Variants in PREX1 observed in about 807,000 individuals in gnomAD.
The protein encoded by PREX1 is phosphatidylinositol-3,4,5-trisphosphate dependent Rac exchange factor 1, also known as phosphatidylinositol 3,4,5-trisphosphate-dependent Rac exchanger 1 protein.
A neutral mutation model predicts 198.3 loss-of-function variants in PREX1; 41 were observed. That is an observed-to-expected ratio of 0.21 (90% CI 0.16 to 0.27). The LOEUF (loss-of-function observed/expected upper bound fraction) is 0.27, where lower values mean the gene tolerates loss of function less well. PREX1 is among the 10% of genes least tolerant of loss of function. The pLI is 1.00. For missense variants in PREX1, 1,620 were observed against 2,200.7 expected (o/e 0.74, Z 5.28); for synonymous variants, 843 against 887.2 (o/e 0.95, Z 0.89).
the PREX1 span, among the ~76,000 whole-genome samples, chr20:48,850,149 G>A: frequency 6.6e-6 from 1 of 152,252 alleles, no homozygotes; most frequent in South Asian, 2.1e-4. Context: ...ACCAAAGGGT[G>A]TTTGCCTCTA....
At chr20:48,690,888 C>G in intron 9 of PREX1, 59 bp downstream of exon 9, 14 of 1,607,368 alleles carry the variant, frequency 8.7e-6, no homozygotes, top group Admixed American at 1.7e-5. Context: ...AGCCCCCACT[C>G]AGAAGAAGCC....
intron 1 of PREX1, among the ~76,000 whole-genome samples, chr20:48,776,587 A>T (rs1161025899): frequency 1.3e-5 from 2 of 152,200 alleles, no homozygotes; most frequent in Non-Finnish European, 2.9e-5. Flanking sequence ...CGGAAAACCC[A>T]GCAGGCCCCT....
chr20:48,827,733 G>A lies in PREX1; in HGVS notation c.128C>T (p.Ser43Phe), dbSNP rs1441857866. Reference protein sequence around the residue: ...GPGPCAAARESERQLRLRLCV... With the variant: ...GPGPCAAAREFERQLRLRLCV... Reference sequence around the variant, plus strand: ...GAGGCGGAGGCGCAGCTGGCGCTCGGACTCCCGGGCGGCCGCGCACGGGCC... The same window carrying A: ...GAGGCGGAGGCGCAGCTGGCGCTCGAACTCCCGGGCGGCCGCGCACGGGCC... The change falls in exon 1 of 40, where the codon TCC (serine) becomes TTC (phenylalanine). Residue 43 changes from serine to phenylalanine, a missense_variant. Coordinates refer to ENST00000371941, the MANE Select transcript of PREX1 (RefSeq NM_020820.4). The surrounding 1 kb of genome is among the most constrained non-coding windows in gnomAD (Gnocchi z 4.1). 2.3e-6 allele frequency: 3 copies of A among 1,329,264 alleles called. No homozygotes were observed. Among genetic ancestry groups the A allele is most frequent in the Non-Finnish European group, 2.9e-6 (3 of 1,025,124 alleles). The allele number at this position is 1,329,264 out of a possible 1,614,324, so 82.3% of individuals were successfully genotyped here.
rs1275572391 is a variant in PREX1, at chr20:48,786,753, G to C, written c.220-38873C>G. Among the ~76,000 whole-genome samples the C allele has an allele frequency of 1.1e-4, 14 of 131,350 alleles. No individual in the cohort carries two copies. The Admixed American group carries it at 1.1e-3, about 10-fold the overall frequency. The allele number at this position is 131,350 out of a possible 152,430, so 86.2% of individuals were successfully genotyped here. ...AAGCAAGACTCTGTCAAAAAAAAAA[G>C]AGAAAGAAAGAAAAGAAAAAAAAGA... is the stretch of plus-strand genomic sequence containing the variant. On this transcript the variant is annotated intron_variant, in intron 1 of 39. Transcript: ENST00000371941.
At chr20:48,875,980 A>C in the PREX1 span, among the ~76,000 whole-genome samples, 2 of 152,154 alleles carry the variant, frequency 1.3e-5, no homozygotes, top group Admixed American at 6.5e-5. Context: ...GGTTATGCAG[A>C]GCCTCCGATG....
intron 1 of PREX1, among the ~76,000 whole-genome samples, chr20:48,754,823 G>A (rs1274499467): frequency 1.3e-5 from 2 of 152,036 alleles, no homozygotes; most frequent in African/African-American, 2.4e-5. Context: ...GGAACAGCAA[G>A]GGCCTTGGAA....
chr20:48,802,763 G>A (rs571474475), intron 1 of PREX1, among the ~76,000 whole-genome samples: 1 of 152,334 alleles, frequency 6.6e-6, no homozygotes, highest in South Asian at 2.1e-4. Flanking sequence ...ACAGCATGAA[G>A]ACAGCAGAAA....
intron 33 of PREX1, among the ~76,000 whole-genome samples, chr20:48,634,434 T>G (rs914350931): frequency 6.6e-6 from 1 of 152,262 alleles, no homozygotes; most frequent in Non-Finnish European, 1.5e-5. Flanking sequence ...AGTGTCATTC[T>G]CTTTTAAGAG....
intron 6 of PREX1, among the ~76,000 whole-genome samples, chr20:48,702,101 C>T (rs189251411): frequency 6.6e-5 from 10 of 151,436 alleles, no homozygotes; most frequent in Non-Finnish European, 1.2e-4. Context: ...CCCAGCTACT[C>T]GGGAGGCTGA....
At chr20:48,820,484 C>CA (rs2090479756) in intron 1 of PREX1, among the ~76,000 whole-genome samples, 1 of 152,208 alleles carries the variant, frequency 6.6e-6, no homozygotes. Context: ...GCCTCCCAGA[C>CA]ACTCTGCTGG....
intron 11 of PREX1, 84 bp from the exon 12 acceptor site, chr20:48,679,838 C>T (rs576978551): frequency 2.0e-5 from 21 of 1,049,616 alleles, no homozygotes; most frequent in African/African-American, 7.8e-5. Context: ...CCTTCACTGC[C>T]AGCCACGCCC....
chr20:48,637,684 C>G, intron 31 of PREX1, 27 bp downstream of exon 31: 1 of 1,592,796 alleles, frequency 6.3e-7, no homozygotes, highest in Non-Finnish European at 8.6e-7. Flanking sequence ...CGGGTATGTG[C>G]CCCCCACACA....
the PREX1 span, among the ~76,000 whole-genome samples, chr20:48,874,494 A>G: frequency 2.2e-4 from 34 of 151,854 alleles, no homozygotes; most frequent in African/African-American, 8.0e-4. Flanking sequence ...TTTGGGAGAC[A>G]TGATGAAGAG....
chr20:48,641,904 AAGG>A (rs1268603832), intron 29 of PREX1, among the ~76,000 whole-genome samples: 1 of 101,174 alleles, frequency 9.9e-6, no homozygotes, highest in African/African-American at 3.4e-5. Context: ...GGAAGGAAGG[AAGG>A]AAAAGAAACA....
chr20:48,742,315 T>C (rs1601108118), intron 3 of PREX1, among the ~76,000 whole-genome samples: 1 of 152,140 alleles, frequency 6.6e-6, no homozygotes, highest in African/African-American at 2.4e-5. Flanking sequence ...GAGAAACAAT[T>C]CCTGAGCACT....
chr20:48,676,108 A>C (rs1267091500), intron 14 of PREX1, 85 bp downstream of exon 14: 33 of 1,363,880 alleles, frequency 2.4e-5, no homozygotes, highest in Non-Finnish European at 3.4e-5. Context: ...AAAAGCAATA[A>C]GAAAAAATCT....
At chr20:48,802,149 G>C (rs6090908) in intron 1 of PREX1, among the ~76,000 whole-genome samples, 2 of 147,244 alleles carry the variant, frequency 1.4e-5, no homozygotes, top group East Asian at 2.1e-4. Context: ...CCCCACCCCC[G>C]CCAAACCATC....
At chr20:48,725,620 C>A (rs575875627) in intron 5 of PREX1, among the ~76,000 whole-genome samples, 30 of 152,390 alleles carry the variant, frequency 2.0e-4, no homozygotes, top group Non-Finnish European at 3.7e-4. Flanking sequence ...TTCATCTGTC[C>A]TCACTCATGG....
At chr20:48,836,044 C>CT in the PREX1 span, among the ~76,000 whole-genome samples, 1 of 152,216 alleles carries the variant, frequency 6.6e-6, no homozygotes, top group East Asian at 1.9e-4. Context: ...CGACTCGACT[C>CT]TATTAGTGGC....
Sources: gnomAD v4.1 joint callset for allele counts (sites outside exome capture counted in the v4.1 genomes callset) on GRCh38, gnomAD v4.1.1 for gene constraint, Gnocchi (gnomAD v3.1) non-coding constraint, MANE v1.5 for transcripts, NCBI Gene and HGNC (gene_info 2026-07-23, HGNC 2026-07-21) for gene names.